The following PIK3C2G variants were observed in gnomAD, a reference collection of about 807,000 sequenced individuals.
The protein encoded by PIK3C2G is phosphatidylinositol 3-kinase C2 domain-containing subunit gamma.
Under a neutral mutation model 181.1 loss-of-function variants are expected in PIK3C2G, and 168 were observed. That is an observed-to-expected ratio of 0.93 (90% CI 0.82 to 1.05). PIK3C2G has a LOEUF of 1.05. PIK3C2G is among the 50% of genes least tolerant of loss of function. The probability of loss-of-function intolerance (pLI) is 0.00; values close to 1 mark genes in which losing one functional copy is unlikely to be tolerated. For synonymous variants in PIK3C2G, 573 were observed against 592.2 expected, an observed-to-expected ratio of 0.97 and a Z score of 0.47; for missense variants, 1,869 against 1,732.8, an observed-to-expected ratio of 1.08 and a Z score of -1.40.
intron 22 of PIK3C2G, among the ~76,000 whole-genome samples, chr12:18,500,236 CG>C (rs1372276092): frequency 6.6e-6 from 1 of 151,870 alleles, no homozygotes; most frequent in Non-Finnish European, 1.5e-5. Flanking sequence ...GCCCCGCACT[CG>C]GAGCGGCCGG....
At chr12:18,303,159 CTCT>C (rs1424848660) in intron 5 of PIK3C2G, among the ~76,000 whole-genome samples, 3 of 93,970 alleles carry the variant, frequency 3.2e-5, no homozygotes, top group African/African-American at 4.4e-5. Context: ...TTTCTTCTTT[CTCT>C]TTCTTTCTTT....
chr12:18,651,685 G>A (rs556297633), downstream of PIK3C2G, among the ~76,000 whole-genome samples: 10 of 152,240 alleles, frequency 6.6e-5, no homozygotes, highest in East Asian at 1.6e-3. Flanking sequence ...GCCTTTGAAG[G>A]CCTTTTCTCT....
chr12:18,606,903 A>G (rs1011306243), intron 30 of PIK3C2G, among the ~76,000 whole-genome samples: 3 of 152,230 alleles, frequency 2.0e-5, no homozygotes, highest in South Asian at 4.1e-4. Flanking sequence ...TAAATTTCTC[A>G]TTTTAACGAT....
intron 24 of PIK3C2G, among the ~76,000 whole-genome samples, chr12:18,525,307 G>A (rs998124085): frequency 5.9e-5 from 9 of 152,000 alleles, no homozygotes; most frequent in African/African-American, 1.2e-4. Context: ...CAGGAGAATC[G>A]CGTGAACCCG....
intron 11 of PIK3C2G, among the ~76,000 whole-genome samples, chr12:18,350,941 G>C (rs1940161563): frequency 6.6e-6 from 1 of 152,014 alleles, no homozygotes; most frequent in Non-Finnish European, 1.5e-5. Flanking sequence ...GAAGGATATA[G>C]GAGTGAGCAT....
intron 1 of PIK3C2G, among the ~76,000 whole-genome samples, chr12:18,255,180 C>A (rs1180045042): frequency 6.6e-6 from 1 of 150,884 alleles, no homozygotes; most frequent in Non-Finnish European, 1.5e-5. Context: ...CGCACCGTTG[C>A]ACTCCAGCCT....
chr12:18,578,681 C>T (rs946956382), intron 29 of PIK3C2G, among the ~76,000 whole-genome samples: 9 of 151,974 alleles, frequency 5.9e-5, no homozygotes, highest in Middle Eastern at 3.2e-3. Flanking sequence ...CTTGTATTAC[C>T]GATACAGCTC....
At chr12:18,581,295 T>G (rs887569667) in intron 29 of PIK3C2G, among the ~76,000 whole-genome samples, 3 of 152,226 alleles carry the variant, frequency 2.0e-5, no homozygotes, top group Non-Finnish European at 4.4e-5. Context: ...AAATCCTATA[T>G]TAGATAAACA....
intron 18 of PIK3C2G, among the ~76,000 whole-genome samples, chr12:18,437,110 A>G (rs1946491837): frequency 6.6e-6 from 1 of 151,798 alleles, no homozygotes; most frequent in Non-Finnish European, 1.5e-5. Context: ...GAAGACTCAG[A>G]GTTCTCTGTA....
At chr12:18,619,779 T>C (rs1421214689) in intron 31 of PIK3C2G, among the ~76,000 whole-genome samples, 1 of 150,388 alleles carries the variant, frequency 6.6e-6, no homozygotes, top group Non-Finnish European at 1.5e-5. Flanking sequence ...TCTCACTCCA[T>C]AGTGGCGCGA....
intron 29 of PIK3C2G, among the ~76,000 whole-genome samples, chr12:18,587,756 AC>A (rs1394301031): frequency 2.1e-4 from 31 of 145,948 alleles, no homozygotes; most frequent in African/African-American, 7.2e-4. Context: ...ACCAAACAAA[AC>A]AAAACAAAAC....
At chr12:18,584,482 C>T (rs1946671985) in intron 29 of PIK3C2G, among the ~76,000 whole-genome samples, 1 of 151,566 alleles carries the variant, frequency 6.6e-6, no homozygotes, top group Non-Finnish European at 1.5e-5. Context: ...GACAGTCAGA[C>T]AAAAGTAAAG....
chr12:18,473,378 T>C (rs1413227871), intron 18 of PIK3C2G, among the ~76,000 whole-genome samples: 4 of 152,218 alleles, frequency 2.6e-5, no homozygotes, highest in South Asian at 2.1e-4. Context: ...CTAGAAGTGA[T>C]AGCACATGTG....
chr12:18,393,589 A>G (rs1047984025), intron 15 of PIK3C2G, among the ~76,000 whole-genome samples: 2 of 152,150 alleles, frequency 1.3e-5, no homozygotes, highest in Admixed American at 6.5e-5. Flanking sequence ...AGACCCCAGA[A>G]TGAAATATAT....
chr12:18,587,657 CT>C (rs145674404), intron 29 of PIK3C2G, among the ~76,000 whole-genome samples: 1,880 of 152,182 alleles, frequency 0.012, 46 homozygotes, highest in African/African-American at 0.043. Context: ...AATGCTATTC[CT>C]GTCAAGCTAC....
the PIK3C2G span, among the ~76,000 whole-genome samples, chr12:18,713,460 G>A: frequency 6.6e-6 from 1 of 152,120 alleles, no homozygotes; most frequent in Non-Finnish European, 1.5e-5. Flanking sequence ...TTTGGGGAAT[G>A]GGGTATATGG....
chr12:18,421,125 G>C (rs1196801817), intron 17 of PIK3C2G, 91 bp downstream of exon 17: 1 of 643,416 alleles, frequency 1.6e-6, no homozygotes, highest in Non-Finnish European at 2.7e-6. Context: ...CTATCTAGAA[G>C]TGACATTGCA....
intron 1 of PIK3C2G, among the ~76,000 whole-genome samples, chr12:18,266,013 T>TAAAAAAAAA (rs61315448): frequency 9.7e-5 from 6 of 61,766 alleles, no homozygotes; most frequent in Admixed American, 2.7e-4. Flanking sequence ...AGACTTCATC[T>TAAAAAAAAA]AAAAAAAAAA....
chr12:18,571,192 A>AT (rs1945919515), intron 29 of PIK3C2G, among the ~76,000 whole-genome samples: 1 of 150,552 alleles, frequency 6.6e-6, no homozygotes, highest in Admixed American at 6.6e-5. Flanking sequence ...ATACTTTTTA[A>AT]TTTTTTCAAA....
Sources: allele counts gnomAD v4.1 joint callset (sites outside exome capture counted in the v4.1 genomes callset), GRCh38; gene constraint gnomAD v4.1.1; transcripts MANE v1.5; gene names NCBI Gene and HGNC (gene_info 2026-07-23, HGNC 2026-07-21).